AXIN1: variants seen among roughly 807,000 people sequenced by gnomAD.
AXIN1 encodes the protein axin-1.
A neutral mutation model predicts 76.4 loss-of-function variants in AXIN1; 30 were observed. That is an observed-to-expected ratio of 0.39 (90% CI 0.29 to 0.53). The LOEUF is 0.53. Ranked by LOEUF, AXIN1 falls within the 20% of genes least tolerant of loss-of-function variation. The pLI, the probability that AXIN1 is intolerant of heterozygous loss-of-function variation, is 0.66. For synonymous variants in AXIN1, 545 were observed against 501.4 expected, an observed-to-expected ratio of 1.09 and a Z score of -1.16; for missense variants, 1,140 against 1,198.8, an observed-to-expected ratio of 0.95 and a Z score of 0.72.
chr16:317,335 T>C (rs554231403), intron 2 of AXIN1, among the ~76,000 whole-genome samples: 117 of 152,232 alleles, frequency 7.7e-4, no homozygotes, highest in African/African-American at 2.6e-3. Flanking sequence ...CTGGAGGGTA[T>C]CGCATGGGGC....
At chr16:347,174 TCAAGA>T (rs2054050475) in intron 1 of AXIN1, 68 bp from the exon 2 acceptor site, 2 of 1,416,008 alleles carry the variant, frequency 1.4e-6, no homozygotes, top group Admixed American at 3.8e-5. Context: ...AGAGGTTTTC[TCAAGA>T]CAAGACTCAC....
chr16:344,446 T>A (rs111865994), intron 2 of AXIN1, among the ~76,000 whole-genome samples: 29,609 of 136,220 alleles, frequency 0.22, 3,781 homozygotes, highest in South Asian at 0.44. Flanking sequence ...AAAAAAAAAA[T>A]TAACCAATTA....
chr16:349,602 G>C (rs2054102574), intron 1 of AXIN1, among the ~76,000 whole-genome samples: 1 of 152,190 alleles, frequency 6.6e-6, no homozygotes, highest in Non-Finnish European at 1.5e-5. Context: ...AGTCTTCTGT[G>C]TTAATTATTG....
intron 9 of AXIN1, chr16:290,488 G>A (rs59923564): frequency 0.02 from 3,256 of 159,062 alleles, 39 homozygotes; most frequent in South Asian, 0.036. Context: ...CCCAGGGACA[G>A]GTGAAGGCTG....
At chr16:298,548 C>T (rs542382295) in intron 5 of AXIN1, among the ~76,000 whole-genome samples, 4 of 152,290 alleles carry the variant, frequency 2.6e-5, no homozygotes, top group South Asian at 4.1e-4. Flanking sequence ...TGCTCTGTTG[C>T]CCAGGCTGGA....
intron 2 of AXIN1, among the ~76,000 whole-genome samples, chr16:339,196 CAAAAAAAAA>C (rs1002630324): frequency 5.2e-4 from 18 of 34,672 alleles, no homozygotes; most frequent in African/African-American, 2.0e-3. Context: ...AGCCTGGTCT[CAAAAAAAAA>C]AAAAAAAAAA....
intron 2 of AXIN1, among the ~76,000 whole-genome samples, chr16:327,965 C>T (rs1473553132): frequency 6.6e-6 from 1 of 152,218 alleles, no homozygotes; most frequent in East Asian, 1.9e-4. Flanking sequence ...AATGCTTCAC[C>T]AGGCTGGGGA....
chr16:313,577 G>A (rs1291311104), intron 3 of AXIN1, among the ~76,000 whole-genome samples: 1 of 152,230 alleles, frequency 6.6e-6, no homozygotes, highest in Non-Finnish European at 1.5e-5. Flanking sequence ...GCTGCTGCAG[G>A]GAGACCCTGG....
chr16:338,167 G>A lies in AXIN1; in HGVS notation c.878+7981C>T, dbSNP rs1378154677. 5.3e-5 allele frequency among the ~76,000 whole-genome samples: 8 copies of A among 152,328 alleles called. No individual in the cohort carries two copies. In the South Asian group the frequency reaches 1.0e-3, roughly 20 times the overall value. On this transcript the variant is annotated intron_variant, in intron 2 of 10. Transcript: ENST00000262320. ...TGCAGGGTACGCTGCTACAAATGAC[G>A]TCTGCGTTTGACAAGGATGAGCAGA... is the stretch of plus-strand genomic sequence containing the variant.
intron 2 of AXIN1, among the ~76,000 whole-genome samples, chr16:342,947 T>C (rs1199845670): frequency 6.6e-6 from 1 of 152,206 alleles, no homozygotes; most frequent in Non-Finnish European, 1.5e-5. Context: ...CACCCTCACC[T>C]ACACCTGGCA....
Position 293,296 on chromosome 16 carries a change from C to A in AXIN1, c.2186+192G>T, listed in dbSNP as rs974704888. 8.0e-4 allele frequency: 504 copies of A among 630,938 alleles called. 6 individuals are homozygous for A. The highest frequency in any genetic ancestry group is 1.5e-4 in the Non-Finnish European group (53 of 363,926). 39.1% of individuals were successfully genotyped at this position (630,938 alleles called of 1,614,324 possible). A position where few individuals can be genotyped will look rare whatever the true frequency, so the allele number is the denominator to read the frequency against. ...GGTGTGTGAAAGCTCCAGCCCCAGCCTCCGTCCACCGCAGGGTGGCCTGCC... is the reference window on the plus strand; with the variant it reads ...GGTGTGTGAAAGCTCCAGCCCCAGCATCCGTCCACCGCAGGGTGGCCTGCC... On this transcript the variant is annotated intron_variant, in intron 8 of 10. Coordinates refer to ENST00000262320, the MANE Select transcript of AXIN1 (RefSeq NM_003502.4). The surrounding 1 kb of genome is among the most constrained non-coding windows in gnomAD (Gnocchi z 4.6).
In AXIN1 at chr16:287,661, A is replaced by C; in HGVS notation, c.*461T>G. On this transcript the variant is annotated 3_prime_UTR_variant, in exon 11 of 11. Coordinates refer to ENST00000262320, the MANE Select transcript of AXIN1 (RefSeq NM_003502.4). ...CTCCGTCGCCGATTCACACAGTGGC[A>C]GGCAAGAGACAAGCTGTGTTGAAGG... 3.1e-6 allele frequency: 1 copy of C among 318,140 alleles called. No individual in the cohort carries two copies. Among genetic ancestry groups the C allele is most frequent in the Non-Finnish European group, 5.9e-6 (1 of 168,960 alleles). The allele number at this position is 318,140 out of a possible 1,614,324, so 19.7% of individuals were successfully genotyped here. A position where few individuals can be genotyped will look rare whatever the true frequency, so the allele number is the denominator to read the frequency against.
chr16:313,544 C>T (rs1057412008), intron 3 of AXIN1, among the ~76,000 whole-genome samples: 3 of 152,212 alleles, frequency 2.0e-5, no homozygotes, highest in African/African-American at 4.8e-5. Flanking sequence ...AGTTCATAGC[C>T]GCTGGCTTCC....
intron 1 of AXIN1, among the ~76,000 whole-genome samples, chr16:351,721 T>C (rs2054147604): frequency 6.6e-6 from 1 of 151,238 alleles, no homozygotes; most frequent in Non-Finnish European, 1.5e-5. Context: ...TGCTGGGCAA[T>C]ATAGTGACAC....
At chr16:329,866 C>G (rs543142762) in intron 2 of AXIN1, among the ~76,000 whole-genome samples, 56 of 150,966 alleles carry the variant, frequency 3.7e-4, no homozygotes, top group African/African-American at 1.3e-3. Flanking sequence ...ATCTCCTGAT[C>G]TTGTGATCCA....
At chr16:348,666 G>A (rs1176871746) in intron 1 of AXIN1, among the ~76,000 whole-genome samples, 1 of 152,166 alleles carries the variant, frequency 6.6e-6, no homozygotes, top group East Asian at 1.9e-4. Flanking sequence ...AGCCGGGTAT[G>A]GTAGCGTATG....
chr16:293,463 AC>A lies in AXIN1; in HGVS notation c.2186+24del. ...GGTGCTGTGGTAACCCCCAAGACCC[AC>A]CCCACCCCACGACGCGGCCGTACCT... is the stretch of plus-strand genomic sequence containing the variant. On this transcript the variant is annotated intron_variant, in intron 8 of 10. Transcript: ENST00000262320. This position sits in a 1 kb window ranked among gnomAD's most constrained non-coding sequence, Gnocchi z 4.6. 6.3e-7 allele frequency: 1 copy of A among 1,599,014 alleles called. No homozygotes were observed. The highest frequency in any genetic ancestry group is 8.5e-7 in the Non-Finnish European group (1 of 1,174,256).
intron 4 of AXIN1, among the ~76,000 whole-genome samples, chr16:309,436 C>T (rs1567276484): frequency 6.6e-6 from 1 of 152,238 alleles, no homozygotes; most frequent in Admixed American, 6.5e-5. Context: ...GTGCTGGGCT[C>T]CAGCTAGCAC....
At chr16:301,105 C>T (rs564185992) in intron 5 of AXIN1, among the ~76,000 whole-genome samples, 4 of 152,006 alleles carry the variant, frequency 2.6e-5, no homozygotes, top group Non-Finnish European at 5.9e-5. Flanking sequence ...CCCGTCTCTA[C>T]TAAAAATACA....
Sources: gnomAD v4.1 joint callset for allele counts (sites outside exome capture counted in the v4.1 genomes callset) on GRCh38, gnomAD v4.1.1 for gene constraint, Gnocchi (gnomAD v3.1) non-coding constraint, MANE v1.5 for transcripts, NCBI Gene and HGNC (gene_info 2026-07-23, HGNC 2026-07-21) for gene names.